NCSTN: variants seen among roughly 807,000 people sequenced by gnomAD.
The protein encoded by NCSTN is anterior pharynx-defective 2.
NCSTN carries 22 observed loss-of-function variants against 87.0 expected under a neutral mutation model. The ratio of observed to expected loss-of-function variants is 0.25; its 90% CI spans 0.18 to 0.36. NCSTN has a LOEUF of 0.36. Ranked by LOEUF, NCSTN falls within the 10% of genes least tolerant of loss-of-function variation. The pLI, the probability that NCSTN is intolerant of heterozygous loss-of-function variation, is 1.00. For synonymous variants in NCSTN, 306 were observed against 327.1 expected (o/e 0.94, Z 0.69); for missense variants, 693 against 883.3 (o/e 0.78, Z 2.73).
rs1649107611 is a variant in NCSTN, at chr1:160,355,941, C to G, written c.1534C>G (p.Gln512Glu). 1 of 1,613,778 alleles carries G rather than the reference C, an allele frequency of 6.2e-7. No homozygotes were observed. The highest frequency in any genetic ancestry group is 8.5e-7 in the Non-Finnish European group (1 of 1,179,662). ...AGGAACCAACTTCAGCGACACAGTT[C>G]AGGCTGATCCCCAAACGGTAAGCAG... Reference protein sequence around the residue: ...AGGTNFSDTVQADPQTVTRLL... With the variant: ...AGGTNFSDTVEADPQTVTRLL... Residue 512 changes from glutamine (Q) to glutamate (E), a missense_variant, in exon 13 of 17, where the codon CAG becomes GAG. Transcript: ENST00000294785.
chr1:160,353,575 G>C (rs1270125564), intron 10 of NCSTN: 1 of 1,230,792 alleles, frequency 8.1e-7, no homozygotes, highest in Admixed American at 3.6e-5. Context: ...CCAAGTCCTG[G>C]CTGTGTCACA....
At chr1:160,349,153 A>G (rs1436283563) in intron 3 of NCSTN, 31 bp downstream of exon 3, 1 of 1,613,300 alleles carries the variant, frequency 6.2e-7, no homozygotes, top group Admixed American at 1.7e-5. Context: ...CTGGGAAAAC[A>G]TCCATAGAGG....
intron 6 of NCSTN, 87 bp downstream of exon 6, chr1:160,351,459 T>C: frequency 2.0e-6 from 3 of 1,494,990 alleles, no homozygotes; most frequent in Admixed American, 1.8e-5. Flanking sequence ...GAGACTGTAA[T>C]AGGGAAGGAG....
intron 4 of NCSTN, among the ~76,000 whole-genome samples, 197 bp from the exon 5 acceptor site, chr1:160,349,908 C>T (rs1316827905): frequency 6.6e-6 from 1 of 152,198 alleles, no homozygotes; most frequent in Non-Finnish European, 1.5e-5. Context: ...CATCCCTAAT[C>T]TTACAGCCTA....
At chr1:160,353,272 A>G (rs769292367) in intron 10 of NCSTN, 35 bp downstream of exon 10, 1 of 1,613,892 alleles carries the variant, frequency 6.2e-7, no homozygotes, top group Non-Finnish European at 8.5e-7. Context: ...TCCTATTCCT[A>G]CAGCTCAGAA....
At chr1:160,350,895 A>G (rs1243257369) in intron 5 of NCSTN, among the ~76,000 whole-genome samples, 3 of 152,072 alleles carry the variant, frequency 2.0e-5, no homozygotes, top group Non-Finnish European at 4.4e-5. Context: ...CTGATTTCCT[A>G]TCTCTAGTTT....
At chr1:160,350,909 G>C (rs1648801485) in intron 5 of NCSTN, among the ~76,000 whole-genome samples, 1 of 152,122 alleles carries the variant, frequency 6.6e-6, no homozygotes, top group African/African-American at 2.4e-5. Flanking sequence ...CTAGTTTGGT[G>C]CTCTTTGTAT....
chr1:160,358,536 C>G lies in NCSTN; in HGVS notation c.*265C>G, dbSNP rs150215493. On this transcript the variant is annotated 3_prime_UTR_variant, in exon 17 of 17. Transcript: ENST00000294785. ...ATTTTGGGATTACAAATAGAAGCTT[C>G]TTGCTCCTGTTTAACTCCCTAGTTA... The G allele has an allele frequency of 1.9e-6, 1 of 519,218 alleles. No individual in the cohort carries two copies. The highest frequency in any genetic ancestry group is 3.7e-5 in the East Asian group (1 of 27,024). 32.2% of individuals were successfully genotyped at this position (519,218 alleles called of 1,614,324 possible).
At chr1:160,352,355 T>C (rs1353168430) in intron 8 of NCSTN, 149 bp downstream of exon 8, 1 of 979,944 alleles carries the variant, frequency 1.0e-6, no homozygotes, top group Non-Finnish European at 1.5e-6. Flanking sequence ...GTCTCCCCTT[T>C]AGATTCCTCC....
At chr1:160,352,025 T>C in intron 7 of NCSTN, 29 bp from the exon 8 acceptor site, 1 of 1,613,032 alleles carries the variant, frequency 6.2e-7, no homozygotes, top group Non-Finnish European at 8.5e-7. Context: ...AAAGTATATA[T>C]CCCCTGACTT....
intron 14 of NCSTN, 72 bp downstream of exon 14, chr1:160,356,419 TTTA>T (rs1159630820): frequency 1.0e-5 from 15 of 1,466,808 alleles, no homozygotes; most frequent in Non-Finnish European, 1.4e-5. Flanking sequence ...TGGTTTAACC[TTTA>T]TTATTTTTTT....
At chr1:160,343,618 T>A in intron 1 of NCSTN, 137 bp downstream of exon 1, 1 of 887,030 alleles carries the variant, frequency 1.1e-6, no homozygotes, top group Non-Finnish European at 1.8e-6. Flanking sequence ...TCTTTTTCGT[T>A]CCCACGACAG....
At chr1:160,350,284 TAGAA>T (rs746547940) in intron 5 of NCSTN, 34 bp downstream of exon 5, 1 of 1,611,326 alleles carries the variant, frequency 6.2e-7, no homozygotes, top group Non-Finnish European at 8.5e-7. Flanking sequence ...CAATTCCAGT[TAGAA>T]AGAAGATTAT....
chr1:160,346,896 T>G (rs2101893506), intron 2 of NCSTN, among the ~76,000 whole-genome samples: 1 of 152,328 alleles, frequency 6.6e-6, no homozygotes, highest in South Asian at 2.1e-4. Context: ...TGAGCCACCA[T>G]GCCCAGCCCT....
Position 160,343,679 on chromosome 1 carries a change from C to T in NCSTN, c.85+198C>T, listed in dbSNP as rs76660371. ...AGGTCCCTTCTCCCCCGCAGCACGT[C>T]GTGTCGCTTCACTCCCTTCTCTAGG... On this transcript the variant is annotated intron_variant, in intron 1 of 16. Coordinates refer to ENST00000294785, the MANE Select transcript of NCSTN (RefSeq NM_015331.3). 5.8e-3 allele frequency: 4,143 copies of T among 718,070 alleles called. 17 individuals are homozygous for T. The highest frequency in any genetic ancestry group is 7.9e-3 in the Non-Finnish European group (3,060 of 388,054). 44.5% of individuals were successfully genotyped at this position (718,070 alleles called of 1,614,324 possible).
In NCSTN at chr1:160,358,278, C is replaced by T. The variant is rs746062724; in HGVS notation, c.*7C>T. 6.2e-7 allele frequency: 1 copy of T among 1,613,988 alleles called. No homozygotes were observed. The highest frequency in any genetic ancestry group is 8.5e-7 in the Non-Finnish European group (1 of 1,180,004). On this transcript the variant is annotated 3_prime_UTR_variant, in exon 17 of 17. Transcript: ENST00000294785. ...AGGAGCTGTGTCATACTGAGGAGGA[C>T]CCCAGCTTTTCTTGCCAGCTCAGCA...
chr1:160,351,386 G>T lies in NCSTN; in HGVS notation c.733+14G>T, dbSNP rs376416719. 2.8e-5 allele frequency: 45 copies of T among 1,613,424 alleles called. No individual in the cohort carries two copies. The highest frequency in any genetic ancestry group is 1.2e-4 in the Admixed American group (7 of 59,984). ...GCATCAACCCAGGTAGGGCAGATCC[G>T]AACCATGAGGGTAATGGAATAAGGG... is the stretch of plus-strand genomic sequence containing the variant. On this transcript the variant is annotated intron_variant, in intron 6 of 16. Coordinates refer to ENST00000294785, the MANE Select transcript of NCSTN (RefSeq NM_015331.3).
At chr1:160,348,102 CAT>C (rs1443612290) in intron 2 of NCSTN, among the ~76,000 whole-genome samples, 1 of 152,212 alleles carries the variant, frequency 6.6e-6, no homozygotes, top group Non-Finnish European at 1.5e-5. Context: ...TGATGAATAA[CAT>C]ATCCAATTTT....
chr1:160,358,725 G>T lies in NCSTN; in HGVS notation c.*454G>T, dbSNP rs1000782123. ...CTACATTGAGCCCCTGAGGACAGGG[G>T]CATCTCTGGGCTGAGCCTACTGTCT... On this transcript the variant is annotated 3_prime_UTR_variant, in exon 17 of 17. Coordinates refer to ENST00000294785, the MANE Select transcript of NCSTN (RefSeq NM_015331.3). 3.8e-5 allele frequency: 9 copies of T among 237,798 alleles called. No individual in the cohort carries two copies. The highest frequency in any genetic ancestry group is 2.0e-4 in the African/African-American group (9 of 44,484). 14.7% of individuals were successfully genotyped at this position (237,798 alleles called of 1,614,324 possible).
Sources: allele counts gnomAD v4.1 joint callset (sites outside exome capture counted in the v4.1 genomes callset), GRCh38; gene constraint gnomAD v4.1.1; transcripts MANE v1.5; gene names NCBI Gene and HGNC (gene_info 2026-07-23, HGNC 2026-07-21).